RTTN: variants seen among roughly 807,000 people sequenced by gnomAD.
The protein encoded by RTTN is rotatin.
Under a neutral mutation model 269.2 loss-of-function variants are expected in RTTN, and 182 were observed. The ratio of observed to expected loss-of-function variants is 0.68; its 90% CI spans 0.60 to 0.76. The LOEUF (loss-of-function observed/expected upper bound fraction) is 0.76. RTTN is among the 30% of genes least tolerant of loss of function. The pLI, the probability that RTTN is intolerant of heterozygous loss-of-function variation, is 0.00. For synonymous variants in RTTN, 1,006 were observed against 963.5 expected (o/e 1.04, Z -0.82); for missense variants, 2,545 against 2,608.6 (o/e 0.98, Z 0.53).
chr18:70,020,780 G>A lies in RTTN; in HGVS notation c.5988C>T (p.His1996=), dbSNP rs758353876. ...SSLCWSSCGQ[H]PVQATHRGAV... is the part of the protein sequence containing the mutation. ...CTCCTCTATGTGTAGCTTGAACAGG[G>A]TGTTGTCCACAACTTGACCAACAAA... The change falls in exon 45 of 49, where the codon CAC becomes CAT. Residue 1996 remains histidine (H), a synonymous_variant. Transcript: ENST00000640769. The A allele has an allele frequency of 1.9e-6, 3 of 1,613,702 alleles. No individual in the cohort carries two copies. Among genetic ancestry groups the A allele is most frequent in the Non-Finnish European group, 2.5e-6 (3 of 1,179,746 alleles).
chr18:70,125,250 C>T (rs920989764), intron 25 of RTTN, among the ~76,000 whole-genome samples: 2 of 151,878 alleles, frequency 1.3e-5, no homozygotes, highest in Non-Finnish European at 2.9e-5. Flanking sequence ...GTGTTCATTT[C>T]GGTATACATG....
At chr18:70,188,361 T>C in intron 9 of RTTN, 138 bp from the exon 10 acceptor site, 1 of 588,582 alleles carries the variant, frequency 1.7e-6, no homozygotes, top group South Asian at 2.3e-5. Context: ...CTTAGAACTG[T>C]AGAGAAATCA....
chr18:70,020,791 A>G lies in RTTN; in HGVS notation c.5977T>C (p.Cys1993Arg). The G allele has an allele frequency of 1.2e-6, 2 of 1,612,782 alleles. No individual in the cohort carries two copies. Among genetic ancestry groups the G allele is most frequent in the Non-Finnish European group, 1.7e-6 (2 of 1,179,238 alleles). ...NGCSSLCWSSCGQHPVQATHR... is the reference protein window; with the variant it reads ...NGCSSLCWSSRGQHPVQATHR... The stretch of plus-strand genomic sequence containing the variant: ...GTAGCTTGAACAGGGTGTTGTCCAC[A>G]ACTTGACCAACAAAGAGAACTGCAA... The change falls in exon 45 of 49, where the codon TGT becomes CGT. Residue 1993 changes from cysteine to arginine, a missense_variant. By Grantham distance (180) the Cys-to-Arg change is radical. Transcript: ENST00000640769.
At chr18:70,152,051 G>A (rs761115147) in intron 14 of RTTN, among the ~76,000 whole-genome samples, 20 of 152,040 alleles carry the variant, frequency 1.3e-4, no homozygotes, top group Non-Finnish European at 2.2e-4. Context: ...CAAATCCAAC[G>A]TGTTCATCTC....
chr18:70,013,571 A>C (rs977621246), intron 46 of RTTN, among the ~76,000 whole-genome samples: 12 of 152,212 alleles, frequency 7.9e-5, no homozygotes, highest in African/African-American at 2.9e-4. Context: ...CTCTCATATA[A>C]ACATTTAAAT....
intron 10 of RTTN, among the ~76,000 whole-genome samples, chr18:70,179,887 AAGCAATC>A (rs1320938324): frequency 6.6e-6 from 1 of 152,076 alleles, no homozygotes; most frequent in Non-Finnish European, 1.5e-5. Context: ...CTCTGATTAA[AAGCAATC>A]TCATCATGCC....
At chr18:70,103,777 A>AC (rs2059243916) in intron 28 of RTTN, among the ~76,000 whole-genome samples, 2 of 150,690 alleles carry the variant, frequency 1.3e-5, no homozygotes, top group Non-Finnish European at 3.0e-5. Flanking sequence ...AAAAAAAAAA[A>AC]AGCAAATCAT....
chr18:70,139,545 A>T, intron 21 of RTTN, 54 bp downstream of exon 21: 1 of 1,116,108 alleles, frequency 9.0e-7, no homozygotes, highest in Non-Finnish European at 1.3e-6. Context: ...ATTAAAGAAG[A>T]AACACTTAAA....
intron 7 of RTTN, 33 bp downstream of exon 7, chr18:70,196,468 A>G (rs2061809199): frequency 1.3e-6 from 2 of 1,578,714 alleles, no homozygotes; most frequent in Non-Finnish European, 1.7e-6. Context: ...TACAAATAAC[A>G]CCAGTGGCTA....
chr18:70,113,381 A>G (rs1261839271), intron 27 of RTTN, among the ~76,000 whole-genome samples: 1 of 152,190 alleles, frequency 6.6e-6, no homozygotes, highest in Non-Finnish European at 1.5e-5. Context: ...ATGCTATAAT[A>G]ACAGGTGTTG....
chr18:70,197,033 A>G (rs1359944034), intron 6 of RTTN, among the ~76,000 whole-genome samples: 1 of 152,150 alleles, frequency 6.6e-6, no homozygotes, highest in Non-Finnish European at 1.5e-5. Flanking sequence ...TTAGTAATTA[A>G]CAGCTTTCCT....
intron 28 of RTTN, among the ~76,000 whole-genome samples, chr18:70,105,972 G>A (rs989238210): frequency 2.0e-5 from 3 of 152,130 alleles, no homozygotes; most frequent in Non-Finnish European, 4.4e-5. Context: ...CATGGTGCTA[G>A]GTCAATGCAG....
intron 32 of RTTN, among the ~76,000 whole-genome samples, chr18:70,084,162 T>G (rs985887797): frequency 1.3e-5 from 2 of 151,748 alleles, no homozygotes; most frequent in African/African-American, 4.8e-5. Flanking sequence ...ACAAGAGCAC[T>G]AGCGGGCATT....
chr18:70,165,702 A>C (rs888901522), intron 14 of RTTN, among the ~76,000 whole-genome samples: 11 of 152,060 alleles, frequency 7.2e-5, no homozygotes, highest in Non-Finnish European at 1.3e-4. Flanking sequence ...AATAACATTA[A>C]AAAAAACAGA....
At chr18:70,164,484 G>C (rs373197077) in intron 14 of RTTN, among the ~76,000 whole-genome samples, 4 of 151,752 alleles carry the variant, frequency 2.6e-5, no homozygotes, top group African/African-American at 9.7e-5. Context: ...CAAATGCTGG[G>C]ATTACAGGCA....
intron 4 of RTTN, among the ~76,000 whole-genome samples, chr18:70,200,019 A>G (rs893008021): frequency 6.6e-6 from 1 of 152,268 alleles, no homozygotes; most frequent in African/African-American, 2.4e-5. Context: ...GTGTTCGAAC[A>G]AGATTAAAAG....
At chr18:70,070,485 C>T (rs1055252461) in intron 34 of RTTN, among the ~76,000 whole-genome samples, 1 of 152,198 alleles carries the variant, frequency 6.6e-6, no homozygotes, top group African/African-American at 2.4e-5. Flanking sequence ...TCCATCCCTG[C>T]TTAAACTATC....
At chr18:70,091,992 A>C in intron 30 of RTTN, 118 bp downstream of exon 30, 2 of 529,754 alleles carry the variant, frequency 3.8e-6, no homozygotes, top group Non-Finnish European at 6.9e-6. Flanking sequence ...TGACCTCGTG[A>C]TCTGCCCACC....
chr18:70,127,986 A>C, intron 24 of RTTN: 1 of 482,024 alleles, frequency 2.1e-6, no homozygotes. Context: ...AGACAGACAG[A>C]TTAGAATATT....
Sources: allele counts gnomAD v4.1 joint callset (sites outside exome capture counted in the v4.1 genomes callset), GRCh38; gene constraint gnomAD v4.1.1; transcripts MANE v1.5; gene names NCBI Gene and HGNC (gene_info 2026-07-23, HGNC 2026-07-21).